HIVEP3: variants seen among roughly 807,000 people sequenced by gnomAD.
The protein encoded by HIVEP3 is HIVEP zinc finger 3, also known as transcription factor HIVEP3.
A neutral mutation model predicts 152.8 loss-of-function variants in HIVEP3; 49 were observed. That is an observed-to-expected ratio of 0.32 (90% CI 0.26 to 0.41). The LOEUF (loss-of-function observed/expected upper bound fraction) is 0.41. Among genes scored for constraint, HIVEP3 ranks in the 10% least tolerant of loss-of-function variants. The pLI, the probability that HIVEP3 is intolerant of heterozygous loss-of-function variation, is 1.00. For missense variants in HIVEP3, 2,790 were observed against 3,103.3 expected (o/e 0.90, Z 2.40); for synonymous variants, 1,269 against 1,289.0 (o/e 0.98, Z 0.33).
At chr1:41,718,288 G>A (rs569081739) in intron 1 of HIVEP3, among the ~76,000 whole-genome samples, 90 of 152,358 alleles carry the variant, frequency 5.9e-4, no homozygotes, top group African/African-American at 1.8e-3. Flanking sequence ...GATGAATACA[G>A]GCTTAGGCCA....
At chr1:41,835,897 TA>T (rs1189177169) in intron 1 of HIVEP3, among the ~76,000 whole-genome samples, 1 of 152,142 alleles carries the variant, frequency 6.6e-6, no homozygotes, top group Non-Finnish European at 1.5e-5. Flanking sequence ...ATTATGCAAA[TA>T]AAAGATTATT....
chr1:41,578,008 C>T (rs1342879383), intron 4 of HIVEP3, among the ~76,000 whole-genome samples: 1 of 152,232 alleles, frequency 6.6e-6, no homozygotes, highest in East Asian at 1.9e-4. Context: ...TCCAAATTAA[C>T]ACTTCCTTTC....
Position 41,918,013 on chromosome 1 carries a change from C to G in HIVEP3, c.-801+400G>C, listed in dbSNP as rs531574313. Among the ~76,000 whole-genome samples the G allele has an allele frequency of 6.6e-6, 1 of 152,242 alleles. No individual in the cohort carries two copies. The highest frequency in any genetic ancestry group is 2.4e-5 in the African/African-American group (1 of 41,470). On this transcript the variant is annotated intron_variant, in intron 1 of 8. Coordinates refer to ENST00000372583, the MANE Select transcript of HIVEP3 (RefSeq NM_024503.5). This position sits in a 1 kb window ranked among gnomAD's most constrained non-coding sequence, Gnocchi z 4.3. Reference sequence around the variant, plus strand: ...CGATGCCTAAGCCCCCCAGCCGAGGCTCCTATGGAGCCGGCCGCCAGTGCG... The same window carrying G: ...CGATGCCTAAGCCCCCCAGCCGAGGGTCCTATGGAGCCGGCCGCCAGTGCG...
intron 1 of HIVEP3, among the ~76,000 whole-genome samples, chr1:41,896,069 C>T (rs886594632): frequency 3.3e-5 from 5 of 152,134 alleles, no homozygotes; most frequent in Non-Finnish European, 7.4e-5. Flanking sequence ...CATTTAACAA[C>T]GTGGAGTGGT....
At chr1:41,611,073 G>A (rs1467092932) in intron 3 of HIVEP3, among the ~76,000 whole-genome samples, 2 of 152,246 alleles carry the variant, frequency 1.3e-5, no homozygotes, top group Non-Finnish European at 2.9e-5. Flanking sequence ...GGCTCAGGGT[G>A]TGGGGGCAGA....
intron 1 of HIVEP3, among the ~76,000 whole-genome samples, chr1:42,019,474 T>G (rs1311399101): frequency 1.3e-5 from 2 of 151,982 alleles, no homozygotes; most frequent in African/African-American, 2.4e-5. Context: ...TTTATTCCTA[T>G]GAATTCGGTG....
At chr1:41,878,540 A>T (rs945812816) in intron 1 of HIVEP3, among the ~76,000 whole-genome samples, 3 of 152,242 alleles carry the variant, frequency 2.0e-5, no homozygotes, top group Non-Finnish European at 4.4e-5. Context: ...TAAAATATAG[A>T]TTGATGGTGG....
chr1:41,859,760 T>C (rs577210890), intron 1 of HIVEP3, among the ~76,000 whole-genome samples: 1 of 152,382 alleles, frequency 6.6e-6, no homozygotes, highest in Admixed American at 6.5e-5. Context: ...CCTTTCATTG[T>C]TCTAATTTGC....
intron 1 of HIVEP3, among the ~76,000 whole-genome samples, chr1:41,879,497 A>T (rs974077222): frequency 6.6e-6 from 1 of 151,962 alleles, no homozygotes; most frequent in Non-Finnish European, 1.5e-5. Flanking sequence ...AAGTTTCCTT[A>T]TTGAAGCCAA....
In HIVEP3 at chr1:41,918,219, G is replaced by A. The variant is rs773416133; in HGVS notation, c.-801+194C>T. On this transcript the variant is annotated intron_variant, in intron 1 of 8. Transcript: ENST00000372583. This position sits in a 1 kb window ranked among gnomAD's most constrained non-coding sequence, Gnocchi z 4.3. The stretch of plus-strand genomic sequence containing the variant: ...GCGCGCTCAGCCCACCGGGGGCACT[G>A]GCCGCCACGCGCAGCCCACCCGGCC... Among the ~76,000 whole-genome samples the A allele has an allele frequency of 5.9e-5, 9 of 152,160 alleles. No individual in the cohort carries two copies. Among genetic ancestry groups the A allele is most frequent in the Non-Finnish European group, 1.0e-4 (7 of 68,022 alleles).
chr1:41,999,792 A>G (rs1392943101), intron 1 of HIVEP3, among the ~76,000 whole-genome samples: 1 of 152,304 alleles, frequency 6.6e-6, no homozygotes, highest in Non-Finnish European at 1.5e-5. Flanking sequence ...GTGAAGTCCA[A>G]TATGAATGGT....
At chr1:41,548,809 T>C (rs1054692587) in intron 5 of HIVEP3, among the ~76,000 whole-genome samples, 1 of 152,214 alleles carries the variant, frequency 6.6e-6, no homozygotes, top group Non-Finnish European at 1.5e-5. Context: ...AGTGCTGGGA[T>C]TACAGGAGTG....
intron 5 of HIVEP3, among the ~76,000 whole-genome samples, chr1:41,568,347 A>AAGTGC (rs1452211695): frequency 6.6e-6 from 1 of 152,266 alleles, no homozygotes; most frequent in Non-Finnish European, 1.5e-5. Flanking sequence ...AGAGCACAGC[A>AAGTGC]AGTGCAAAGG....
intron 1 of HIVEP3, among the ~76,000 whole-genome samples, chr1:41,986,540 C>A (rs112835336): frequency 0.012 from 1,885 of 151,770 alleles, 35 homozygotes; most frequent in African/African-American, 0.044. Flanking sequence ...TCCCGAGTTC[C>A]CACCACTCTC....
chr1:41,654,893 T>A (rs1326484854), intron 2 of HIVEP3, among the ~76,000 whole-genome samples: 2 of 152,200 alleles, frequency 1.3e-5, no homozygotes, highest in Non-Finnish European at 2.9e-5. Flanking sequence ...GACACAGTCC[T>A]GGGCTTGTCA....
At chr1:42,035,640 G>T (rs1457448910) in intron 1 of HIVEP3, among the ~76,000 whole-genome samples, 1 of 151,968 alleles carries the variant, frequency 6.6e-6, no homozygotes, top group Non-Finnish European at 1.5e-5. Flanking sequence ...GGGGGCCGGC[G>T]CCCGGAGGCG....
Position 41,741,159 on chromosome 1 carries a change from G to A in HIVEP3, c.-800-40164C>T, listed in dbSNP as rs186885714. Among the ~76,000 whole-genome samples the A allele has an allele frequency of 5.3e-5, 8 of 152,356 alleles. No individual in the cohort carries two copies. The East Asian group carries it at 1.3e-3, about 26-fold the overall frequency. On this transcript the variant is annotated intron_variant, in intron 1 of 8. Coordinates refer to ENST00000372583, the MANE Select transcript of HIVEP3 (RefSeq NM_024503.5). ...CCAGATCACACAGCTAGAGCAGGGA[G>A]GAACTGCAAGAGGATAGAAACACAG...
chr1:41,562,954 C>A (rs1644101855), intron 5 of HIVEP3, among the ~76,000 whole-genome samples: 2 of 152,160 alleles, frequency 1.3e-5, no homozygotes, highest in Admixed American at 1.3e-4. Context: ...CCCCACCCAC[C>A]CCAGAGAAAG....
chr1:41,765,371 G>A (rs1558250125), intron 1 of HIVEP3, among the ~76,000 whole-genome samples: 1 of 152,042 alleles, frequency 6.6e-6, no homozygotes, highest in Admixed American at 6.5e-5. Context: ...ATCTACCCAG[G>A]CTCGTCTGAT....
Sources: allele counts gnomAD v4.1 joint callset (sites outside exome capture counted in the v4.1 genomes callset), GRCh38; gene constraint gnomAD v4.1.1; non-coding constraint Gnocchi (gnomAD v3.1); transcripts MANE v1.5; gene names NCBI Gene and HGNC (gene_info 2026-07-23, HGNC 2026-07-21).